TENM2: variants seen among roughly 807,000 people sequenced by gnomAD.
The protein encoded by TENM2 is teneurin-2.
TENM2 carries 52 observed loss-of-function variants against 245.2 expected under a neutral mutation model. The ratio of observed to expected loss-of-function variants is 0.21; its 90% CI spans 0.17 to 0.27. The LOEUF is 0.27. TENM2 is among the 10% of genes least tolerant of loss of function. The pLI is 1.00. For synonymous variants in TENM2, 1,363 were observed against 1,438.9 expected, an observed-to-expected ratio of 0.95 and a Z score of 1.19; for missense variants, 3,046 against 3,666.8, an observed-to-expected ratio of 0.83 and a Z score of 4.37.
chr5:167,094,523 G>GA, the TENM2 span, among the ~76,000 whole-genome samples: 375 of 151,694 alleles, frequency 2.5e-3, 2 homozygotes, highest in African/African-American at 8.6e-3. Context: ...CCTTACAGAA[G>GA]AAAAAAAACA....
At chr5:167,013,861 G>A in the TENM2 span, among the ~76,000 whole-genome samples, 1 of 152,178 alleles carries the variant, frequency 6.6e-6, no homozygotes, top group Non-Finnish European at 1.5e-5. Flanking sequence ...AGGCATAACT[G>A]ATACTAGCAT....
At chr5:167,112,528 C>A in the TENM2 span, among the ~76,000 whole-genome samples, 7 of 152,078 alleles carry the variant, frequency 4.6e-5, no homozygotes, top group African/African-American at 1.4e-4. Context: ...CTGACGATAA[C>A]CTGTATCAAA....
At chr5:167,307,366 A>G (rs1755740948) in intron 1 of TENM2, among the ~76,000 whole-genome samples, 1 of 152,200 alleles carries the variant, frequency 6.6e-6, no homozygotes, top group Admixed American at 6.5e-5. Flanking sequence ...TTATACTGTC[A>G]GGATTAAAAC....
At chr5:167,219,056 C>T in the TENM2 span, among the ~76,000 whole-genome samples, 1 of 152,132 alleles carries the variant, frequency 6.6e-6, no homozygotes, top group African/African-American at 2.4e-5. Context: ...AAATCAGAAA[C>T]ACAGCCTCTT....
At chr5:167,447,955 G>A (rs886651170) in intron 2 of TENM2, among the ~76,000 whole-genome samples, 1 of 152,140 alleles carries the variant, frequency 6.6e-6, no homozygotes, top group African/African-American at 2.4e-5. Context: ...CTAGGAGCCT[G>A]GATTGAACAG....
At chr5:167,019,164 C>T in the TENM2 span, among the ~76,000 whole-genome samples, 2 of 151,950 alleles carry the variant, frequency 1.3e-5, no homozygotes, top group African/African-American at 2.4e-5. Context: ...TCCATCCATC[C>T]GTCCATCCAT....
chr5:168,122,976 T>C (rs13156324), intron 10 of TENM2, among the ~76,000 whole-genome samples: 1,537 of 152,252 alleles, frequency 0.01, 9 homozygotes, highest in South Asian at 0.038. Context: ...TAATGTCATA[T>C]TTAGAGCCAA....
intron 2 of TENM2, among the ~76,000 whole-genome samples, chr5:167,740,187 G>A (rs1238663398): frequency 6.6e-6 from 1 of 152,054 alleles, no homozygotes; most frequent in Non-Finnish European, 1.5e-5. Context: ...TCTCCAAATC[G>A]ACAATGACTT....
At chr5:168,114,840 T>C (rs1794934798) in intron 9 of TENM2, among the ~76,000 whole-genome samples, 1 of 152,216 alleles carries the variant, frequency 6.6e-6, no homozygotes, top group Non-Finnish European at 1.5e-5. Context: ...CTCTGTGACC[T>C]ATTTTTTATA....
intron 2 of TENM2, among the ~76,000 whole-genome samples, chr5:167,724,316 T>C (rs992584606): frequency 2.8e-4 from 42 of 152,190 alleles, no homozygotes; most frequent in African/African-American, 8.4e-4. Context: ...ATGTACTTAC[T>C]GTGTGACTTT....
chr5:167,303,948 C>A (rs906155746), intron 1 of TENM2, among the ~76,000 whole-genome samples: 1 of 152,130 alleles, frequency 6.6e-6, no homozygotes, highest in African/African-American at 2.4e-5. Flanking sequence ...ATTGAGCAAT[C>A]TGGATTTATT....
intron 4 of TENM2, among the ~76,000 whole-genome samples, chr5:167,971,388 A>G (rs989692015): frequency 7.6e-5 from 9 of 118,190 alleles, no homozygotes; most frequent in Non-Finnish European, 1.4e-4. Flanking sequence ...CAAGGTCAAC[A>G]TGAATTGGGT....
At chr5:167,673,255 G>A (rs1756081778) in intron 2 of TENM2, among the ~76,000 whole-genome samples, 1 of 152,016 alleles carries the variant, frequency 6.6e-6, no homozygotes, top group South Asian at 2.1e-4. Context: ...GTATTGTTCA[G>A]TATTGTTTCA....
intron 2 of TENM2, among the ~76,000 whole-genome samples, chr5:167,578,997 CCAA>C (rs1405324413): frequency 2.0e-5 from 3 of 152,164 alleles, no homozygotes; most frequent in African/African-American, 4.8e-5. Context: ...GACACGGTCA[CCAA>C]CATCACCTCA....
chr5:167,550,703 TG>T (rs1772878893), intron 2 of TENM2, among the ~76,000 whole-genome samples: 1 of 5,766 alleles, frequency 1.7e-4, no homozygotes, highest in Non-Finnish European at 4.3e-4. Context: ...GTTGTTAGTG[TG>T]TGTGTGTGTG....
At chr5:167,207,940 G>A in the TENM2 span, among the ~76,000 whole-genome samples, 1 of 152,120 alleles carries the variant, frequency 6.6e-6, no homozygotes, top group Non-Finnish European at 1.5e-5. Context: ...TTTTAGTAGA[G>A]ACGGGATTTC....
chr5:167,454,468 G>A (rs927755195), intron 2 of TENM2, among the ~76,000 whole-genome samples: 15 of 151,842 alleles, frequency 9.9e-5, no homozygotes, highest in Non-Finnish European at 2.9e-5. Flanking sequence ...GTGTGTGTGT[G>A]TGTGTGTGCA....
intron 2 of TENM2, among the ~76,000 whole-genome samples, chr5:167,780,941 ATTTG>A (rs1209493218): frequency 1.3e-5 from 2 of 152,072 alleles, no homozygotes; most frequent in African/African-American, 4.8e-5. Flanking sequence ...CCACTTATTT[ATTTG>A]TTTTTTTGAC....
At chr5:167,828,973 T>C (rs1478247421) in intron 2 of TENM2, among the ~76,000 whole-genome samples, 4 of 152,198 alleles carry the variant, frequency 2.6e-5, no homozygotes, top group African/African-American at 4.8e-5. Context: ...GCCTTGCCTC[T>C]TGTCGCCTAT....
Sources: gnomAD v4.1 joint callset for allele counts (sites outside exome capture counted in the v4.1 genomes callset) on GRCh38, gnomAD v4.1.1 for gene constraint, MANE v1.5 for transcripts, NCBI Gene and HGNC (gene_info 2026-07-23, HGNC 2026-07-21) for gene names.